PCLO: variants seen among roughly 807,000 people sequenced by gnomAD.
The protein encoded by PCLO is piccolo presynaptic cytomatrix protein, also known as protein piccolo.
In PCLO, 82 loss-of-function variants were observed where a neutral mutation model predicts 427.5. That is an observed-to-expected ratio of 0.19 (90% CI 0.16 to 0.23). PCLO has a LOEUF of 0.23. Ranked by LOEUF, PCLO falls within the 10% of genes least tolerant of loss-of-function variation. PCLO has a pLI of 1.00. For missense variants in PCLO, 6,239 were observed against 6,115.9 expected, an observed-to-expected ratio of 1.02 and a Z score of -0.67; for synonymous variants, 2,357 against 2,155.4, an observed-to-expected ratio of 1.09 and a Z score of -2.59.
At chr7:83,063,671 TTA>T (rs1189236405) in intron 3 of PCLO, among the ~76,000 whole-genome samples, 2 of 152,088 alleles carry the variant, frequency 1.3e-5, no homozygotes, top group African/African-American at 4.8e-5. Flanking sequence ...CATGATGTAT[TTA>T]TCAGGATGTA....
In PCLO at chr7:82,792,632, T is replaced by G. The variant is rs1240956628; in HGVS notation, c.15007+8886A>C. ...GTGAGCCACCTCACCCCACCACCATTTTATATTTTTGACTTCTTTTTTAAA... is the reference window on the plus strand; with the variant it reads ...GTGAGCCACCTCACCCCACCACCATGTTATATTTTTGACTTCTTTTTTAAA... On this transcript the variant is annotated intron_variant, in intron 22 of 24. Coordinates refer to ENST00000333891, the MANE Select transcript of PCLO (RefSeq NM_033026.6). Among the ~76,000 whole-genome samples the G allele has an allele frequency of 3.9e-5, 6 of 152,064 alleles. No individual in the cohort carries two copies. The East Asian group carries it at 1.2e-3, about 29-fold the overall frequency.
At chr7:83,096,150 A>G (rs915973380) in intron 3 of PCLO, among the ~76,000 whole-genome samples, 3 of 152,100 alleles carry the variant, frequency 2.0e-5, no homozygotes. Flanking sequence ...CTCACACTTC[A>G]TAAGTTTTAG....
Position 83,155,585 on chromosome 7 carries a change from T to C in PCLO, c.1056A>G (p.Pro352=), listed in dbSNP as rs780162018. 1.1e-5 allele frequency: 17 copies of C among 1,612,276 alleles called. No individual in the cohort carries two copies. In the South Asian group the frequency reaches 1.9e-4, roughly 18 times the overall value. The stretch of plus-strand genomic sequence containing the variant: ...GCTTTGTTGTCCCTGGTGGCTGGAC[T>C]GGGGGTTTCACTGTCCCTGGTTGTT... ...LAQQPGTVKP[P]VQPPGTTKPP... Residue 352 remains proline (P), a synonymous_variant, in exon 2 of 25, where the codon CCA becomes CCG. Coordinates refer to ENST00000333891, the MANE Select transcript of PCLO (RefSeq NM_033026.6).
At chr7:82,818,894 T>C (rs1366996333) in intron 20 of PCLO, among the ~76,000 whole-genome samples, 1 of 152,216 alleles carries the variant, frequency 6.6e-6, no homozygotes, top group Non-Finnish European at 1.5e-5. Flanking sequence ...GATGGGATTA[T>C]ACGAACTCCA....
At chr7:82,878,241 C>T (rs138590665) in intron 10 of PCLO, among the ~76,000 whole-genome samples, 35 of 152,176 alleles carry the variant, frequency 2.3e-4, no homozygotes, top group Non-Finnish European at 5.0e-4. Context: ...ATAAATACTG[C>T]TTCTAATTTG....
intron 3 of PCLO, among the ~76,000 whole-genome samples, chr7:83,076,690 G>A (rs1364801066): frequency 1.4e-5 from 2 of 138,332 alleles, no homozygotes; most frequent in Middle Eastern, 3.9e-3. Flanking sequence ...TGCACAATGT[G>A]CATGTTAGTT....
rs567505535 is a variant in PCLO, at chr7:83,105,740, G to A, written c.3300+28510C>T. On this transcript the variant is annotated intron_variant, in intron 3 of 24. Transcript: ENST00000333891. Reference sequence around the variant, plus strand: ...GTTAGATATTTAATTTTGACTAGGAGTACTATGAAAAAATTACTGAGAACT... The same window carrying A: ...GTTAGATATTTAATTTTGACTAGGAATACTATGAAAAAATTACTGAGAACT... Among the ~76,000 whole-genome samples, 4 of 152,272 alleles carry A rather than the reference G, an allele frequency of 2.6e-5. No homozygotes were observed. In the South Asian group the frequency reaches 6.2e-4, roughly 24 times the overall value.
chr7:83,094,207 T>C (rs1169867664), intron 3 of PCLO, among the ~76,000 whole-genome samples: 2 of 110,100 alleles, frequency 1.8e-5, no homozygotes, highest in Non-Finnish European at 3.8e-5. Context: ...CTGATTTTTT[T>C]TTCTTTTTTT....
chr7:82,854,800 G>C (rs76768730), intron 10 of PCLO, among the ~76,000 whole-genome samples: 317 of 152,196 alleles, frequency 2.1e-3, no homozygotes, highest in African/African-American at 7.4e-3. Context: ...ATGTGATCTT[G>C]GACAATTTAC....
chr7:83,124,473 T>A (rs1791374447), intron 3 of PCLO, among the ~76,000 whole-genome samples: 1 of 151,910 alleles, frequency 6.6e-6, no homozygotes, highest in South Asian at 2.1e-4. Flanking sequence ...ATTCTCTCAC[T>A]CCATTTAGAA....
chr7:82,824,503 AG>A, intron 18 of PCLO, 87 bp from the exon 19 acceptor site: 1 of 859,574 alleles, frequency 1.2e-6, no homozygotes, highest in Non-Finnish European at 1.8e-6. Context: ...AATTTATTCA[AG>A]GATATAAACC....
chr7:83,128,377 T>C (rs56936594), intron 3 of PCLO, among the ~76,000 whole-genome samples: 7,551 of 152,254 alleles, frequency 0.05, 248 homozygotes, highest in African/African-American at 0.091. Context: ...TTTTTCATAC[T>C]AAGTTTTTGA....
chr7:83,055,198 G>A (rs1428811649), intron 3 of PCLO, among the ~76,000 whole-genome samples: 1 of 152,086 alleles, frequency 6.6e-6, no homozygotes, highest in African/African-American at 2.4e-5. Flanking sequence ...ACCCTAAAGG[G>A]CCACATAAAC....
At position 83,092,946 on chromosome 7, in the gene PCLO, C is replaced by CAA. The variant is rs10684707; in HGVS notation, c.3300+41302_3300+41303dup. ...TGGGTGACAGAGCAAGACTCTGTCT[C>CAA]AAAAAAAAAAAAAAAAAAGAATGAA... On this transcript the variant is annotated intron_variant, in intron 3 of 24. Coordinates refer to ENST00000333891, the MANE Select transcript of PCLO (RefSeq NM_033026.6). Among the ~76,000 whole-genome samples, 660 of 89,612 alleles carry CAA rather than the reference C, an allele frequency of 7.4e-3. 33 individuals carry two copies. The highest frequency in any genetic ancestry group is 0.019 in the South Asian group (47 of 2,418). The allele number at this position is 89,612 out of a possible 152,430, so 58.8% of individuals were successfully genotyped here. A position where few individuals can be genotyped will look rare whatever the true frequency, so the allele number is the denominator to read the frequency against.
At chr7:82,907,885 G>A (rs1012137337) in intron 8 of PCLO, among the ~76,000 whole-genome samples, 3 of 151,906 alleles carry the variant, frequency 2.0e-5, no homozygotes, top group Admixed American at 1.3e-4. Flanking sequence ...TATAGTCAAT[G>A]TATTTTAGAC....
chr7:82,871,645 A>C (rs1221355994), intron 10 of PCLO, among the ~76,000 whole-genome samples: 3 of 152,006 alleles, frequency 2.0e-5, no homozygotes, highest in Admixed American at 6.6e-5. Context: ...ATTTGAGGTG[A>C]TGGATATCCC....
At chr7:82,873,902 G>GA in intron 10 of PCLO, among the ~76,000 whole-genome samples, 2 of 152,122 alleles carry the variant, frequency 1.3e-5, no homozygotes, top group South Asian at 2.1e-4. Context: ...AACACTGAGG[G>GA]AAAAAATAAA....
intron 16 of PCLO, among the ~76,000 whole-genome samples, chr7:82,830,014 T>A (rs989045008): frequency 6.6e-6 from 1 of 151,864 alleles, no homozygotes; most frequent in African/African-American, 2.4e-5. Context: ...TGAAATAAGG[T>A]TACACATTAT....
intron 3 of PCLO, among the ~76,000 whole-genome samples, chr7:83,038,328 T>A (rs1305198766): frequency 6.6e-6 from 1 of 151,082 alleles, no homozygotes; most frequent in Non-Finnish European, 1.5e-5. Flanking sequence ...ATTATTTTTA[T>A]AACTTCAAAA....
Sources: gnomAD v4.1 joint callset for allele counts (sites outside exome capture counted in the v4.1 genomes callset) on GRCh38, gnomAD v4.1.1 for gene constraint, MANE v1.5 for transcripts, NCBI Gene and HGNC (gene_info 2026-07-23, HGNC 2026-07-21) for gene names.